SDK1: variants seen among roughly 807,000 people sequenced by gnomAD.
SDK1 encodes protein sidekick-1.
A neutral mutation model predicts 245.5 loss-of-function variants in SDK1; 157 were observed. The ratio of observed to expected loss-of-function variants is 0.64; its 90% CI spans 0.56 to 0.73. The LOEUF (loss-of-function observed/expected upper bound fraction) is 0.73. Among genes scored for constraint, SDK1 ranks in the 30% least tolerant of loss-of-function variants. The pLI is 0.00. For synonymous variants in SDK1, 1,647 were observed against 1,278.5 expected, an observed-to-expected ratio of 1.29 and a Z score of -6.15; for missense variants, 3,583 against 3,002.3, an observed-to-expected ratio of 1.19 and a Z score of -4.52.
chr7:4,083,757 G>GCTCCCTCCCTCCCTTCTTTACTTCCTT (rs1781245255), intron 22 of SDK1, among the ~76,000 whole-genome samples: 1 of 528 alleles, frequency 1.9e-3, no homozygotes, highest in African/African-American at 6.1e-3. Flanking sequence ...TTTACTTCCT[G>GCTCCCTCCCTCCCTTCTTTACTTCCTT]TCTCCCTCCC....
chr7:3,996,957 T>G (rs1784732204), intron 14 of SDK1, among the ~76,000 whole-genome samples: 1 of 152,228 alleles, frequency 6.6e-6, no homozygotes, highest in Admixed American at 6.5e-5. Flanking sequence ...GAGATATAAT[T>G]TGTATGTAAC....
chr7:3,364,565 CCT>C (rs935671120), intron 1 of SDK1, among the ~76,000 whole-genome samples: 61 of 151,958 alleles, frequency 4.0e-4, no homozygotes, highest in African/African-American at 1.3e-3. Context: ...TTTTTTTGCA[CCT>C]CTCTCAAAAA....
Position 3,574,693 on chromosome 7 carries a change from G to C in SDK1, c.299-44387G>C, listed in dbSNP as rs184496725. On this transcript the variant is annotated intron_variant, in intron 1 of 44. Transcript: ENST00000404826. ...AGCTAAAGTAGTGTATAAAGTAGCT[G>C]ATGGAATACTGTACTGCCTGGCTTC... Among the ~76,000 whole-genome samples the C allele has an allele frequency of 2.4e-3, 369 of 152,156 alleles. 6 individuals carry two copies. The highest frequency in any genetic ancestry group is 0.018 in the South Asian group (86 of 4,816).
intron 5 of SDK1, among the ~76,000 whole-genome samples, chr7:3,860,991 T>A (rs1780675987): frequency 6.6e-6 from 1 of 152,146 alleles, no homozygotes; most frequent in Admixed American, 6.5e-5. Context: ...TGGGCAGCTG[T>A]CCCCACTTTG....
At chr7:4,113,562 G>A (rs1783493680) in intron 24 of SDK1, 123 bp downstream of exon 24, 16 of 1,132,318 alleles carry the variant, frequency 1.4e-5, no homozygotes, top group South Asian at 7.5e-5. Context: ...TAATCTCATC[G>A]TCAAACCAAA....
rs750494321 is a variant in SDK1, at chr7:4,139,637, ATGTGTGTGTATATG to A, written c.4229-6047_4229-6034del. 8.9e-3 allele frequency among the ~76,000 whole-genome samples: 465 copies of A among 52,150 alleles called. 41 individuals are homozygous for A. The highest frequency in any genetic ancestry group is 0.022 in the African/African-American group (312 of 13,960). The allele number at this position is 52,150 out of a possible 152,430, so 34.2% of individuals were successfully genotyped here. A position where few individuals can be genotyped will look rare whatever the true frequency, so the allele number is the denominator to read the frequency against. On this transcript the variant is annotated intron_variant, in intron 28 of 44. Coordinates refer to ENST00000404826, the MANE Select transcript of SDK1 (RefSeq NM_152744.4). ...TATATGTGTGTGTGTATATGTATAT[ATGTGTGTGTATATG>A]TGTGTGTGTATATGTGTGTGTGTAT... is the stretch of plus-strand genomic sequence containing the variant.
chr7:3,751,763 C>T (rs1349194514), intron 4 of SDK1, among the ~76,000 whole-genome samples: 1 of 152,172 alleles, frequency 6.6e-6, no homozygotes, highest in East Asian at 1.9e-4. Context: ...CTGAGGTCAC[C>T]TTGCCTGGTG....
intron 22 of SDK1, among the ~76,000 whole-genome samples, chr7:4,100,926 G>GC (rs1782496070): frequency 6.6e-6 from 1 of 152,140 alleles, no homozygotes; most frequent in African/African-American, 2.4e-5. Flanking sequence ...GTGGCTGTGA[G>GC]CCCCAAGGTC....
At chr7:3,959,370 C>G (rs1339845623) in intron 8 of SDK1, among the ~76,000 whole-genome samples, 1 of 152,058 alleles carries the variant, frequency 6.6e-6, no homozygotes, top group African/African-American at 2.4e-5. Context: ...AAAATTCTTT[C>G]TCATCCATGG....
intron 1 of SDK1, among the ~76,000 whole-genome samples, chr7:3,482,943 A>G (rs1321585905): frequency 2.6e-5 from 4 of 152,296 alleles, no homozygotes; most frequent in East Asian, 3.9e-4. Context: ...GGTGACAACA[A>G]TGATGATTTC....
Position 4,092,061 on chromosome 7 carries a change from C to G in SDK1, c.3324+12477C>G, listed in dbSNP as rs549634128. On this transcript the variant is annotated intron_variant, in intron 22 of 44. Transcript: ENST00000404826. Reference sequence around the variant, plus strand: ...GGCTTTGGGATCACAGCGACAGGGCCCGGAATCCCAGCTCCATCACTTTCT... The same window carrying G: ...GGCTTTGGGATCACAGCGACAGGGCGCGGAATCCCAGCTCCATCACTTTCT... Among the ~76,000 whole-genome samples, 136 of 152,250 alleles carry G rather than the reference C, an allele frequency of 8.9e-4. 3 individuals carry two copies. The South Asian group carries it at 0.026, about 29-fold the overall frequency.
chr7:4,187,347 A>C (rs141147886), intron 35 of SDK1, among the ~76,000 whole-genome samples: 1 of 152,306 alleles, frequency 6.6e-6, no homozygotes, highest in African/African-American at 2.4e-5. Flanking sequence ...CACTGTTACA[A>C]ATCTTTTCCA....
At chr7:3,981,533 C>T (rs1046071544) in intron 13 of SDK1, among the ~76,000 whole-genome samples, 1 of 152,102 alleles carries the variant, frequency 6.6e-6, no homozygotes, top group East Asian at 1.9e-4. Flanking sequence ...GGCCTCTTGC[C>T]CCAGTTAGCC....
At chr7:4,036,108 C>T (rs1788195176) in intron 17 of SDK1, among the ~76,000 whole-genome samples, 1 of 152,164 alleles carries the variant, frequency 6.6e-6, no homozygotes, top group South Asian at 2.1e-4. Flanking sequence ...ATGATAACCT[C>T]TTCAAATATT....
At chr7:3,538,455 G>C (rs756442168) in intron 1 of SDK1, among the ~76,000 whole-genome samples, 1 of 152,056 alleles carries the variant, frequency 6.6e-6, no homozygotes, top group South Asian at 2.1e-4. Flanking sequence ...GGCAAGTTCA[G>C]AAATCTGAAT....
intron 1 of SDK1, among the ~76,000 whole-genome samples, chr7:3,326,368 A>G (rs946630599): frequency 7.2e-5 from 11 of 152,166 alleles, no homozygotes; most frequent in African/African-American, 2.7e-4. Context: ...ATGTAGATAT[A>G]TATTATTTTC....
intron 19 of SDK1, among the ~76,000 whole-genome samples, chr7:4,060,570 A>T (rs1301062958): frequency 1.3e-5 from 2 of 151,440 alleles, no homozygotes; most frequent in Non-Finnish European, 2.9e-5. Flanking sequence ...GGTTGCAAAA[A>T]TTTTCTCCCA....
chr7:3,845,497 A>AAG (rs1780254574), intron 5 of SDK1, among the ~76,000 whole-genome samples: 1 of 150,072 alleles, frequency 6.7e-6, no homozygotes. Context: ...TCAAAAAAAA[A>AAG]AAAAAAAAAA....
chr7:3,587,862 G>A (rs941279330), intron 1 of SDK1, among the ~76,000 whole-genome samples: 9 of 152,232 alleles, frequency 5.9e-5, no homozygotes, highest in Admixed American at 2.6e-4. Flanking sequence ...GCAGGGGCCA[G>A]ATCTTCTCCT....
Sources: allele counts gnomAD v4.1 joint callset (sites outside exome capture counted in the v4.1 genomes callset), GRCh38; gene constraint gnomAD v4.1.1; transcripts MANE v1.5; gene names NCBI Gene and HGNC (gene_info 2026-07-23, HGNC 2026-07-21).